The following NRG1 variants were observed in gnomAD, a reference collection of about 807,000 sequenced individuals.
The protein encoded by NRG1 is pro-neuregulin-1, membrane-bound isoform.
NRG1 carries 18 observed loss-of-function variants against 63.8 expected under a neutral mutation model. The ratio of observed to expected loss-of-function variants is 0.28; its 90% CI spans 0.19 to 0.42. The LOEUF (loss-of-function observed/expected upper bound fraction) is 0.42. NRG1 is among the 10% of genes least tolerant of loss of function. The probability of loss-of-function intolerance (pLI) is 1.00; values close to 1 mark genes in which losing one functional copy is unlikely to be tolerated. For missense variants in NRG1, 762 were observed against 814.7 expected, an observed-to-expected ratio of 0.94 and a Z score of 0.79; for synonymous variants, 302 against 301.3, an observed-to-expected ratio of 1.00 and a Z score of -0.02.
intron 1 of NRG1, among the ~76,000 whole-genome samples, chr8:31,903,517 G>T (rs1034418651): frequency 6.6e-6 from 1 of 152,004 alleles, no homozygotes; most frequent in Non-Finnish European, 1.5e-5. Flanking sequence ...CATCTCCATT[G>T]TGCTCTGTCT....
At chr8:32,772,526 A>T (rs1019231644), downstream of NRG1, among the ~76,000 whole-genome samples, 96 of 152,256 alleles carry the variant, frequency 6.3e-4, no homozygotes, top group African/African-American at 2.1e-3. Flanking sequence ...TTAAAGAAAT[A>T]ATATTATAGA....
chr8:31,953,933 G>A (rs1803913486), intron 1 of NRG1, among the ~76,000 whole-genome samples: 1 of 152,144 alleles, frequency 6.6e-6, no homozygotes, highest in South Asian at 2.1e-4. Flanking sequence ...TTTGGGGCAG[G>A]CTACTAAACC....
chr8:32,310,477 A>G (rs1462289456), intron 1 of NRG1, among the ~76,000 whole-genome samples: 6 of 152,206 alleles, frequency 3.9e-5, no homozygotes, highest in Non-Finnish European at 5.9e-5. Flanking sequence ...TTTAGGGTTC[A>G]GATGGACCTT....
chr8:32,688,968 A>G (rs574806614), intron 5 of NRG1, among the ~76,000 whole-genome samples: 1 of 152,164 alleles, frequency 6.6e-6, no homozygotes, highest in African/African-American at 2.4e-5. Context: ...TCGTCACACC[A>G]TAATCTTAAA....
intron 1 of NRG1, among the ~76,000 whole-genome samples, chr8:31,818,510 C>G (rs1019491367): frequency 6.6e-6 from 1 of 152,088 alleles, no homozygotes; most frequent in African/African-American, 2.4e-5. Flanking sequence ...GGGATGAAAC[C>G]GTTCCACCTC....
At chr8:32,101,582 G>A (rs1266562822) in intron 1 of NRG1, among the ~76,000 whole-genome samples, 1 of 150,880 alleles carries the variant, frequency 6.6e-6, no homozygotes, top group African/African-American at 2.4e-5. Flanking sequence ...TAGTTTAGCT[G>A]AAGTGAGCTT....
intron 1 of NRG1, among the ~76,000 whole-genome samples, chr8:31,686,471 GT>G (rs996600579): frequency 1.3e-5 from 2 of 151,774 alleles, no homozygotes; most frequent in African/African-American, 2.4e-5. Context: ...ACTAATGGTA[GT>G]TTTTTTTCTT....
intron 1 of NRG1, among the ~76,000 whole-genome samples, chr8:31,834,379 T>C (rs1428230565): frequency 6.6e-6 from 1 of 151,626 alleles, no homozygotes; most frequent in Non-Finnish European, 1.5e-5. Context: ...AAGCATAAAA[T>C]CAGCCCTCTG....
chr8:32,080,775 G>GCA (rs1827337867), intron 1 of NRG1, among the ~76,000 whole-genome samples: 1 of 85,642 alleles, frequency 1.2e-5, no homozygotes, highest in Non-Finnish European at 2.2e-5. Context: ...GTGTGTGTGT[G>GCA]TGTGTGTGTG....
At chr8:32,682,263 A>C (rs1046573120) in intron 5 of NRG1, among the ~76,000 whole-genome samples, 1 of 152,168 alleles carries the variant, frequency 6.6e-6, no homozygotes, top group Non-Finnish European at 1.5e-5. Flanking sequence ...ATTCATGTGC[A>C]TTAAGCAGCA....
chr8:32,567,653 T>C (rs1313577442), intron 1 of NRG1, among the ~76,000 whole-genome samples: 2 of 152,232 alleles, frequency 1.3e-5, no homozygotes, highest in Non-Finnish European at 2.9e-5. Flanking sequence ...ACTTCTTTTT[T>C]ATATAAACTG....
chr8:32,018,512 TAG>T (rs1203279798), intron 1 of NRG1, among the ~76,000 whole-genome samples: 90 of 152,226 alleles, frequency 5.9e-4, no homozygotes, highest in Non-Finnish European at 8.7e-4. Context: ...GAGCCAAAAA[TAG>T]ATTGTTGCAG....
intron 1 of NRG1, among the ~76,000 whole-genome samples, chr8:32,539,419 A>C (rs1208199672): frequency 6.6e-6 from 1 of 152,184 alleles, no homozygotes; most frequent in Non-Finnish European, 1.5e-5. Context: ...CGATGAGAAT[A>C]AAGGCTGCTT....
intron 1 of NRG1, among the ~76,000 whole-genome samples, chr8:31,854,158 T>G (rs1224972271): frequency 6.6e-6 from 1 of 152,026 alleles, no homozygotes; most frequent in Admixed American, 6.6e-5. Context: ...CCTCTTTTTC[T>G]ATTGATTGGA....
At chr8:31,724,097 G>A (rs1212249568) in intron 1 of NRG1, among the ~76,000 whole-genome samples, 1 of 151,986 alleles carries the variant, frequency 6.6e-6, no homozygotes, top group East Asian at 1.9e-4. Flanking sequence ...ATATAATTAG[G>A]TAATATTAGC....
intron 5 of NRG1, among the ~76,000 whole-genome samples, chr8:32,704,542 G>A (rs1815830595): frequency 6.6e-6 from 1 of 152,064 alleles, no homozygotes; most frequent in Non-Finnish European, 1.5e-5. Context: ...CAAACAAAAG[G>A]CATAGTTAAA....
At chr8:32,685,557 A>G (rs986558698) in intron 5 of NRG1, among the ~76,000 whole-genome samples, 1 of 152,226 alleles carries the variant, frequency 6.6e-6, no homozygotes, top group Non-Finnish European at 1.5e-5. Context: ...TGCTTATGGA[A>G]ACAACGTAAT....
intron 1 of NRG1, among the ~76,000 whole-genome samples, chr8:31,736,969 G>T (rs1458784640): frequency 6.6e-6 from 1 of 152,084 alleles, no homozygotes; most frequent in East Asian, 1.9e-4. Context: ...GAGCATGTTG[G>T]ACAAATACAT....
chr8:31,836,402 G>A (rs1395606308), intron 1 of NRG1, among the ~76,000 whole-genome samples: 1 of 152,022 alleles, frequency 6.6e-6, no homozygotes, highest in Non-Finnish European at 1.5e-5. Flanking sequence ...TGAAAGTAAA[G>A]TTTTCTTCCC....
Sources: allele counts gnomAD v4.1 joint callset (sites outside exome capture counted in the v4.1 genomes callset), GRCh38; gene constraint gnomAD v4.1.1; transcripts MANE v1.5; gene names NCBI Gene and HGNC (gene_info 2026-07-23, HGNC 2026-07-21).